Variants in SHISA6 observed in about 807,000 individuals in gnomAD.
SHISA6 encodes the protein protein shisa-6.
A neutral mutation model predicts 47.9 loss-of-function variants in SHISA6; 22 were observed. That is an observed-to-expected ratio of 0.46 (90% confidence interval 0.33 to 0.66). The LOEUF (loss-of-function observed/expected upper bound fraction) is 0.66, where lower values mean the gene tolerates loss of function less well. Among genes scored for constraint, SHISA6 ranks in the 30% least tolerant of loss-of-function variants. SHISA6 has a pLI of 0.02. For synonymous variants in SHISA6, 388 were observed against 337.8 expected, an observed-to-expected ratio of 1.15 and a Z score of -1.63; for missense variants, 680 against 764.6, an observed-to-expected ratio of 0.89 and a Z score of 1.30.
At chr17:11,249,715 A>G (rs538978724) in intron 1 of SHISA6, among the ~76,000 whole-genome samples, 15 of 152,182 alleles carry the variant, frequency 9.9e-5, no homozygotes, top group Non-Finnish European at 2.2e-4. Context: ...GACTTTATAT[A>G]AGGGTAACAT....
chr17:11,288,070 A>G (rs1042719656), intron 2 of SHISA6: 5 of 152,348 alleles, frequency 3.3e-5, no homozygotes, highest in African/African-American at 9.6e-5. Context: ...ATTTTGAAGC[A>G]AATTCCAGAT....
chr17:11,330,955 G>A (rs371058052), intron 2 of SHISA6, among the ~76,000 whole-genome samples: 1 of 152,336 alleles, frequency 6.6e-6, no homozygotes, highest in Admixed American at 6.5e-5. Flanking sequence ...GATATATACA[G>A]TCTTGGAAAC....
intron 1 of SHISA6, among the ~76,000 whole-genome samples, chr17:11,258,973 A>G (rs975202788): frequency 1.3e-5 from 2 of 152,080 alleles, no homozygotes; most frequent in Non-Finnish European, 2.9e-5. Context: ...GAATGGAGGA[A>G]TGGATGAATG....
intron 2 of SHISA6, among the ~76,000 whole-genome samples, chr17:11,362,317 T>A (rs1384518998): frequency 1.3e-5 from 2 of 152,106 alleles, no homozygotes; most frequent in Non-Finnish European, 2.9e-5. Flanking sequence ...TTTCTTTAAG[T>A]TTTGTAGAGA....
intron 3 of SHISA6, among the ~76,000 whole-genome samples, chr17:11,514,783 A>T (rs2071569132): frequency 6.6e-6 from 1 of 152,162 alleles, no homozygotes; most frequent in African/African-American, 2.4e-5. Context: ...GCCAGGAGGC[A>T]CCTGTTCATT....
intron 2 of SHISA6, among the ~76,000 whole-genome samples, chr17:11,350,614 A>T (rs1911856328): frequency 6.6e-6 from 1 of 152,050 alleles, no homozygotes; most frequent in Non-Finnish European, 1.5e-5. Flanking sequence ...GTCCACTGTC[A>T]ATCATCTCTC....
intron 2 of SHISA6, among the ~76,000 whole-genome samples, chr17:11,285,489 T>C (rs1451766876): frequency 6.6e-6 from 1 of 152,182 alleles, no homozygotes; most frequent in African/African-American, 2.4e-5. Flanking sequence ...ATTTTATTGT[T>C]TGAAATAATG....
intron 1 of SHISA6, 105 bp downstream of exon 1, chr17:11,242,165 C>T (rs1375571089): frequency 7.1e-7 from 1 of 1,415,580 alleles, no homozygotes; most frequent in East Asian, 2.5e-5. Context: ...CTCCCCAGGC[C>T]CTCTAGTCAT....
intron 1 of SHISA6, among the ~76,000 whole-genome samples, chr17:11,262,856 C>T (rs1247666172): frequency 6.6e-6 from 1 of 152,210 alleles, no homozygotes; most frequent in African/African-American, 2.4e-5. Context: ...CCTGTCTTTG[C>T]AGCTCAATCA....
intron 3 of SHISA6, among the ~76,000 whole-genome samples, chr17:11,507,570 TC>T (rs1567624624): frequency 6.6e-6 from 1 of 152,012 alleles, no homozygotes. Flanking sequence ...ACAGATGTAT[TC>T]CCCCCTTTCC....
At chr17:11,431,222 A>T (rs1914763034) in intron 3 of SHISA6, among the ~76,000 whole-genome samples, 1 of 152,004 alleles carries the variant, frequency 6.6e-6, no homozygotes, top group South Asian at 2.1e-4. Flanking sequence ...GCCACTGAGG[A>T]TTGTACTTCC....
At position 11,558,318 on chromosome 17, in the gene SHISA6, GC is replaced by G. The variant is rs1345594461; in HGVS notation, c.*16del. 1.3e-6 allele frequency: 2 copies of G among 1,534,674 alleles called. No individual in the cohort carries two copies. The highest frequency in any genetic ancestry group is 1.7e-6 in the Non-Finnish European group (2 of 1,145,280). ...GTGACCGTGTGACCGGCGGGGCAGGGCCGGGGCTGCTGGGCGTGGCAGAGCA... is the reference window on the plus strand; with the variant it reads ...GTGACCGTGTGACCGGCGGGGCAGGGCGGGGCTGCTGGGCGTGGCAGAGCA... On this transcript the variant is annotated 3_prime_UTR_variant, in exon 6 of 6. Transcript: ENST00000441885.
intron 2 of SHISA6, among the ~76,000 whole-genome samples, chr17:11,327,071 G>A (rs1910919989): frequency 6.6e-6 from 1 of 152,180 alleles, no homozygotes; most frequent in African/African-American, 2.4e-5. Context: ...TAAAGTTTAA[G>A]GGAACCATCC....
intron 3 of SHISA6, among the ~76,000 whole-genome samples, chr17:11,509,507 A>G (rs2071526252): frequency 6.6e-6 from 1 of 152,226 alleles, no homozygotes; most frequent in Non-Finnish European, 1.5e-5. Context: ...TGTAACCAGC[A>G]CGAACACTTT....
At chr17:11,301,081 G>C (rs971423353) in intron 2 of SHISA6, among the ~76,000 whole-genome samples, 4 of 152,164 alleles carry the variant, frequency 2.6e-5, no homozygotes, top group African/African-American at 7.2e-5. Context: ...CCCGTGCTCA[G>C]CTTCACTGTG....
chr17:11,358,430 A>T (rs1175028475), intron 2 of SHISA6, among the ~76,000 whole-genome samples: 1 of 149,710 alleles, frequency 6.7e-6, no homozygotes, highest in Non-Finnish European at 1.5e-5. Context: ...TGCGATCGCC[A>T]CTCACTGCAA....
At chr17:11,521,347 T>G (rs2071627627) in intron 3 of SHISA6, among the ~76,000 whole-genome samples, 1 of 152,224 alleles carries the variant, frequency 6.6e-6, no homozygotes, top group Admixed American at 6.5e-5. Context: ...TTCATCCTTA[T>G]TCTAAGTTTG....
At chr17:11,316,160 TA>T (rs1555527900) in intron 2 of SHISA6, among the ~76,000 whole-genome samples, 40 of 149,730 alleles carry the variant, frequency 2.7e-4, no homozygotes, top group African/African-American at 7.3e-4. Flanking sequence ...ATAGTGTTTT[TA>T]AAAAAAAAAT....
intron 2 of SHISA6, among the ~76,000 whole-genome samples, chr17:11,284,017 A>G (rs1909212201): frequency 6.6e-6 from 1 of 152,144 alleles, no homozygotes; most frequent in African/African-American, 2.4e-5. Flanking sequence ...CTTCACAGGA[A>G]AGCCTCCATT....
Sources: gnomAD v4.1 joint callset for allele counts (sites outside exome capture counted in the v4.1 genomes callset) on GRCh38, gnomAD v4.1.1 for gene constraint, MANE v1.5 for transcripts, NCBI Gene and HGNC (gene_info 2026-07-23, HGNC 2026-07-21) for gene names.